Variants in PDE4D observed in about 807,000 individuals in gnomAD.
The protein encoded by PDE4D is 3',5'-cyclic-AMP phosphodiesterase 4D.
PDE4D carries 24 observed loss-of-function variants against 87.4 expected under a neutral mutation model. The observed-to-expected ratio is 0.27, with a 90% CI of 0.20 to 0.39. The LOEUF (loss-of-function observed/expected upper bound fraction) is 0.39, where lower values mean the gene tolerates loss of function less well. Ranked by LOEUF, PDE4D falls within the 10% of genes least tolerant of loss-of-function variation. The probability of loss-of-function intolerance (pLI) is 1.00; values close to 1 mark genes in which losing one functional copy is unlikely to be tolerated. For missense variants in PDE4D, 714 were observed against 1,041.0 expected, an observed-to-expected ratio of 0.69 and a Z score of 4.32; for synonymous variants, 384 against 383.2, an observed-to-expected ratio of 1.00 and a Z score of -0.02.
At chr5:59,698,289 T>A (rs1287526636) in intron 1 of PDE4D, among the ~76,000 whole-genome samples, 2 of 152,104 alleles carry the variant, frequency 1.3e-5, no homozygotes, top group East Asian at 1.9e-4. Flanking sequence ...CTGAGATGTA[T>A]CTGAGTGTGT....
intron 3 of PDE4D, among the ~76,000 whole-genome samples, chr5:59,909,645 A>G (rs564622386): frequency 9.9e-5 from 15 of 152,240 alleles, no homozygotes; most frequent in Middle Eastern, 3.4e-3. Flanking sequence ...TCGGCCTCCC[A>G]AAGTGCTGGG....
intron 1 of PDE4D, among the ~76,000 whole-genome samples, chr5:59,694,761 A>G (rs1422383152): frequency 6.6e-6 from 1 of 152,196 alleles, no homozygotes; most frequent in Non-Finnish European, 1.5e-5. Flanking sequence ...GTGATGTTTG[A>G]AGAGCAAGAT....
intron 3 of PDE4D, among the ~76,000 whole-genome samples, chr5:59,945,080 A>G (rs1219008529): frequency 1.3e-5 from 2 of 152,250 alleles, no homozygotes; most frequent in Non-Finnish European, 2.9e-5. Flanking sequence ...TCTATTGAGA[A>G]GCAATAAAAT....
At chr5:60,502,820 A>T (rs1381255020) in intron 1 of PDE4D, among the ~76,000 whole-genome samples, 1 of 152,132 alleles carries the variant, frequency 6.6e-6, no homozygotes, top group Non-Finnish European at 1.5e-5. Context: ...GACAGGCAGA[A>T]CTTTTCTATC....
rs529699694 is a variant in PDE4D at position 59,926,752 on chromosome 5, T to C, written c.272+61736A>G. 3.3e-5 allele frequency among the ~76,000 whole-genome samples: 5 copies of C among 152,246 alleles called. No homozygotes were observed. In the East Asian group the frequency reaches 9.7e-4, roughly 29 times the overall value. On this transcript the variant is annotated intron_variant, in intron 3 of 16. Coordinates refer to the PDE4D transcript ENST00000502484. The stretch of plus-strand genomic sequence containing the variant: ...TTAGAGGCTACTATAAGCAACTACA[T>C]GGCAGTAAATTGGAAAAGCTAGAAG...
intron 1 of PDE4D, among the ~76,000 whole-genome samples, chr5:60,463,238 A>G (rs775703349): frequency 6.6e-6 from 1 of 152,190 alleles, no homozygotes; most frequent in Non-Finnish European, 1.5e-5. Context: ...TGCACACCCT[A>G]GATGAGGGAG....
At chr5:59,596,165 G>A (rs1826653413) in intron 1 of PDE4D, among the ~76,000 whole-genome samples, 1 of 151,390 alleles carries the variant, frequency 6.6e-6, no homozygotes, top group Non-Finnish European at 1.5e-5. Context: ...ATCATTGGCA[G>A]TTAACAGAGT....
intron 5 of PDE4D, among the ~76,000 whole-genome samples, chr5:59,139,279 C>T (rs185991146): frequency 9.1e-4 from 138 of 152,282 alleles, no homozygotes; most frequent in African/African-American, 3.2e-3. Context: ...CCAGTAACTT[C>T]CTGACAATGT....
intron 1 of PDE4D, among the ~76,000 whole-genome samples, chr5:59,364,784 T>A (rs919910587): frequency 1.3e-5 from 2 of 152,132 alleles, no homozygotes; most frequent in South Asian, 4.1e-4. Context: ...CAACAGCTAA[T>A]CAAACCAACC....
intron 3 of PDE4D, among the ~76,000 whole-genome samples, chr5:59,947,904 G>A (rs978599876): frequency 1.3e-5 from 2 of 152,178 alleles, no homozygotes; most frequent in Admixed American, 1.3e-4. Context: ...CTACTCAGGA[G>A]GCTGAGGCAG....
chr5:59,948,898 A>T (rs905857079), intron 3 of PDE4D, among the ~76,000 whole-genome samples: 4 of 152,350 alleles, frequency 2.6e-5, no homozygotes, highest in African/African-American at 9.6e-5. Context: ...CCAACTGGTC[A>T]CCTACTTATA....
At chr5:60,077,694 C>T (rs1414438365) in intron 2 of PDE4D, among the ~76,000 whole-genome samples, 1 of 152,180 alleles carries the variant, frequency 6.6e-6, no homozygotes, top group Non-Finnish European at 1.5e-5. Context: ...CCTGGCCATG[C>T]TCCACTATAG....
intron 2 of PDE4D, among the ~76,000 whole-genome samples, chr5:60,109,704 C>G (rs2149354360): frequency 6.6e-6 from 1 of 152,288 alleles, no homozygotes; most frequent in Non-Finnish European, 1.5e-5. Flanking sequence ...AGTTCACGTC[C>G]TTTGTAGGGA....
intron 1 of PDE4D, among the ~76,000 whole-genome samples, chr5:59,695,378 C>A (rs1751615385): frequency 6.6e-6 from 1 of 151,764 alleles, no homozygotes; most frequent in Non-Finnish European, 1.5e-5. Flanking sequence ...TAATATTATA[C>A]CAAATGTCAT....
intron 1 of PDE4D, among the ~76,000 whole-genome samples, chr5:59,463,651 G>A (rs780620553): frequency 6.6e-6 from 1 of 152,174 alleles, no homozygotes; most frequent in Non-Finnish European, 1.5e-5. Context: ...AGTGCTCAGT[G>A]CAGAGAGATT....
intron 5 of PDE4D, 196 bp from the exon 6 acceptor site, chr5:59,039,167 G>T: frequency 7.4e-7 from 1 of 1,358,510 alleles, no homozygotes; most frequent in Non-Finnish European, 9.5e-7. Context: ...GGCCGGCCTC[G>T]GGGAGGCACG....
chr5:60,395,279 C>A (rs1439797047), intron 1 of PDE4D, among the ~76,000 whole-genome samples: 1 of 150,224 alleles, frequency 6.7e-6, no homozygotes, highest in East Asian at 2.0e-4. Context: ...ACTAATTATT[C>A]TGAGGTCTTT....
At chr5:59,234,245 T>C (rs886384545) in intron 1 of PDE4D, among the ~76,000 whole-genome samples, 21 of 152,220 alleles carry the variant, frequency 1.4e-4, no homozygotes, top group African/African-American at 5.1e-4. Flanking sequence ...ATTTTCTAGA[T>C]AGATTATGAT....
chr5:59,022,520 C>G (rs754843968), intron 6 of PDE4D, among the ~76,000 whole-genome samples: 3 of 152,180 alleles, frequency 2.0e-5, no homozygotes, highest in Non-Finnish European at 4.4e-5. Context: ...TTACACCTTC[C>G]GTGAGTTTAT....
Sources: allele counts gnomAD v4.1 joint callset (sites outside exome capture counted in the v4.1 genomes callset), GRCh38; gene constraint gnomAD v4.1.1; transcripts MANE v1.5; gene names NCBI Gene and HGNC (gene_info 2026-07-23, HGNC 2026-07-21).